Variants in LRRC27 observed in about 807,000 individuals in gnomAD.
The protein encoded by LRRC27 is leucine rich repeat containing 27, also known as leucine-rich repeat-containing protein 27.
LRRC27 carries 57 observed loss-of-function variants against 55.0 expected under a neutral mutation model. That is an observed-to-expected ratio of 1.04 (90% CI 0.84 to 1.29). The LOEUF (loss-of-function observed/expected upper bound fraction) is 1.29, where lower values mean the gene tolerates loss of function less well. Ranked by LOEUF, LRRC27 falls within the 50% of genes most tolerant of loss-of-function variation. The pLI is 0.00. For missense variants in LRRC27, 721 were observed against 651.5 expected (o/e 1.11, Z -1.16); for synonymous variants, 278 against 251.9 (o/e 1.10, Z -0.98).
Position 132,351,680 on chromosome 10 carries a change from A to C in LRRC27, c.1000A>C (p.Arg334=). 1 of 1,614,034 alleles carries C rather than the reference A, an allele frequency of 6.2e-7. No homozygotes were observed. Among genetic ancestry groups the C allele is most frequent in the Non-Finnish European group, 8.5e-7 (1 of 1,180,010 alleles). ...SPYQMAIRAK[R]LEESRAAALR... is the part of the protein sequence containing the mutation. ...GTACCAAATGGCGATCCGAGCAAAA[A>C]GACTGGAAGAGAGCCGAGCGGCGGC... The change falls in exon 7 of 11, where the codon AGA becomes CGA. Residue 334 remains arginine, a synonymous_variant. Transcript: ENST00000368614.
rs760181124 is a variant in LRRC27, at chr10:132,375,080, G to A, written c.1431G>A (p.Gln477=). The A allele has an allele frequency of 3.1e-6, 5 of 1,613,166 alleles. No homozygotes were observed. The Admixed American group carries it at 8.3e-5, about 27-fold the overall frequency. Residue 477 remains glutamine, a synonymous_variant, in exon 11 of 11, where the codon CAG becomes CAA. Coordinates refer to ENST00000368614, the MANE Select transcript of LRRC27 (RefSeq NM_030626.3). The part of the protein sequence containing the change: ...AEDLEIATEL[Q]DEVLKLKLGL... ...TCTCCCATAAGGCCACAGAGCTACAGGATGAAGTATTGAAGCTAAAATTGG... is the reference window on the plus strand; with the variant it reads ...TCTCCCATAAGGCCACAGAGCTACAAGATGAAGTATTGAAGCTAAAATTGG...
chr10:132,356,914 C>A (rs565083429), intron 8 of LRRC27, among the ~76,000 whole-genome samples: 47 of 152,376 alleles, frequency 3.1e-4, no homozygotes, highest in Admixed American at 2.9e-3. Context: ...CTGTGTGTTA[C>A]TTTGAAAGGC....
At chr10:132,343,711 C>T (rs908879742) in intron 4 of LRRC27, among the ~76,000 whole-genome samples, 1 of 152,230 alleles carries the variant, frequency 6.6e-6, no homozygotes, top group African/African-American at 2.4e-5. Context: ...ATGTGAAAAG[C>T]GAGCGCGGCT....
In LRRC27 at chr10:132,375,228, C is replaced by T. The variant is rs200285895; in HGVS notation, c.1579C>T (p.Arg527Cys). The T allele has an allele frequency of 7.6e-5, 123 of 1,612,686 alleles. No homozygotes were observed. Among genetic ancestry groups the T allele is most frequent in the Non-Finnish European group, 8.9e-5 (105 of 1,179,232 alleles). ...NTKYGESGNV[R>C]RYQ ...AAAATATGGAGAATCAGGAAATGTT[C>T]GCAGATACCAGTGACACCAGGTGGC... Residue 527 changes from arginine (R) to cysteine (C), a missense_variant, in exon 11 of 11, where the codon CGC (arginine) becomes TGC (cysteine). By Grantham distance (180) the Arg-to-Cys change is radical. Coordinates refer to ENST00000368614, the MANE Select transcript of LRRC27 (RefSeq NM_030626.3).
Position 132,337,796 on chromosome 10 carries a change from C to T in LRRC27, c.341+101C>T, listed in dbSNP as rs140281005. 15 of 1,368,604 alleles carry T rather than the reference C, an allele frequency of 1.1e-5. 1 individual carries two copies. The African/African-American group carries it at 1.3e-4, about 12-fold the overall frequency. The allele number at this position is 1,368,604 out of a possible 1,614,324, so 84.8% of individuals were successfully genotyped here. ...TTTACTCTTGATTAAATTTTTACCT[C>T]GGAATAGAAACATTTAATAGTATTT... On this transcript the variant is annotated intron_variant, in intron 3 of 10. Coordinates refer to ENST00000368614, the MANE Select transcript of LRRC27 (RefSeq NM_030626.3).
At position 132,377,465 on chromosome 10, in the gene LRRC27, C is replaced by G. The variant is rs1361471308; in HGVS notation, c.*2223C>G. 2.6e-5 allele frequency: 4 copies of G among 152,090 alleles called. No homozygotes were observed. Among genetic ancestry groups the G allele is most frequent in the Non-Finnish European group, 4.4e-5 (3 of 68,052 alleles). 9.4% of individuals were successfully genotyped at this position (152,090 alleles called of 1,614,324 possible). On this transcript the variant is annotated 3_prime_UTR_variant, in exon 11 of 11. Coordinates refer to ENST00000368614, the MANE Select transcript of LRRC27 (RefSeq NM_030626.3). ...AGCATTTCCTGAATGAGCCAATGAC[C>G]CTGAGAAGGTCCCTCCCATCTGCCA...
chr10:132,368,171 C>T (rs752096566), intron 10 of LRRC27, among the ~76,000 whole-genome samples: 26 of 152,064 alleles, frequency 1.7e-4, no homozygotes, highest in African/African-American at 4.6e-4. Context: ...ATGAGGAAAA[C>T]GACAAAACTT....
At chr10:132,331,945 C>A, upstream of LRRC27, 1 of 571,478 alleles carries the variant, frequency 1.7e-6, no homozygotes, top group Non-Finnish European at 2.9e-6. Context: ...AACCCCCCGC[C>A]CCAGCGCAGG....
At chr10:132,338,958 CCT>C (rs1248520636) in intron 3 of LRRC27, among the ~76,000 whole-genome samples, 2 of 152,188 alleles carry the variant, frequency 1.3e-5, no homozygotes, top group Non-Finnish European at 2.9e-5. Flanking sequence ...GATCTGCCTG[CCT>C]TGGCCTCCCA....
At position 132,349,472 on chromosome 10, in the gene LRRC27, C is replaced by T. The variant is rs187383899; in HGVS notation, c.926+1116C>T. ...ACACACAGCAGGTTCCCAGCTACAG[C>T]GAGGCCTCGGACGCTCCAGCACGCT... On this transcript the variant is annotated intron_variant, in intron 6 of 10. Coordinates refer to ENST00000368614, the MANE Select transcript of LRRC27 (RefSeq NM_030626.3). Among the ~76,000 whole-genome samples the T allele has an allele frequency of 4.6e-5, 7 of 152,302 alleles. No homozygotes were observed. The East Asian group carries it at 5.8e-4, about 13-fold the overall frequency.
intron 7 of LRRC27, among the ~76,000 whole-genome samples, chr10:132,355,396 A>T (rs2068258909): frequency 6.6e-6 from 1 of 152,162 alleles, no homozygotes; most frequent in African/African-American, 2.4e-5. Context: ...AGGCATTCAG[A>T]TCTTCCATAG....
At position 132,365,512 on chromosome 10, in the gene LRRC27, C is replaced by G. The variant is rs372434440; in HGVS notation, c.1378C>G (p.Leu460Val). 4 of 1,613,552 alleles carry G rather than the reference C, an allele frequency of 2.5e-6. No homozygotes were observed. The African/African-American group carries it at 4.0e-5, about 16-fold the overall frequency. The part of the protein sequence containing the change: ...EQRRFHGQAP[L>V]EEMRKAAEDL... ...AAGAAGATTCCATGGCCAGGCCCCACTGGAGGAGATGAGGAAGGCTGCCGA... is the reference window on the plus strand; with the variant it reads ...AAGAAGATTCCATGGCCAGGCCCCAGTGGAGGAGATGAGGAAGGCTGCCGA... The change falls in exon 10 of 11, where the codon CTG (leucine) becomes GTG (valine). Residue 460 changes from leucine (L) to valine (V), a missense_variant. Transcript: ENST00000368614.
At chr10:132,330,642 GA>G (rs1167512700), upstream of LRRC27, among the ~76,000 whole-genome samples, 2 of 149,718 alleles carry the variant, frequency 1.3e-5, no homozygotes, top group African/African-American at 4.9e-5. Flanking sequence ...CACACAGCTG[GA>G]ACTACAGGTG....
rs1287022883 is a variant in LRRC27 at position 132,348,400 on chromosome 10, T to G, written c.926+44T>G. The G allele has an allele frequency of 1.3e-6, 2 of 1,575,586 alleles. No individual in the cohort carries two copies. The highest frequency in any genetic ancestry group is 1.7e-6 in the Non-Finnish European group (2 of 1,162,990). The stretch of plus-strand genomic sequence containing the variant: ...GGGGGATTTTCTTGATCTTTGCGAA[T>G]TTATACAGTTATTTTAAATTATCTT... On this transcript the variant is annotated intron_variant, in intron 6 of 10. Coordinates refer to ENST00000368614, the MANE Select transcript of LRRC27 (RefSeq NM_030626.3). This position sits in a 1 kb window ranked among gnomAD's most constrained non-coding sequence, Gnocchi z 4.2.
intron 10 of LRRC27, among the ~76,000 whole-genome samples, chr10:132,373,573 C>T (rs1223125427): frequency 2.0e-5 from 3 of 152,182 alleles, no homozygotes; most frequent in African/African-American, 7.2e-5. Flanking sequence ...GGTCAGGGGT[C>T]AGCACACAAT....
rs529708310 is a variant in LRRC27 at position 132,354,439 on chromosome 10, C to T, written c.1074-1351C>T. Among the ~76,000 whole-genome samples, 249 of 152,118 alleles carry T rather than the reference C, an allele frequency of 1.6e-3. 1 individual carries two copies. The highest frequency in any genetic ancestry group is 2.7e-3 in the Non-Finnish European group (185 of 68,004). On this transcript the variant is annotated intron_variant, in intron 7 of 10. Transcript: ENST00000368614. ...TGGAGGCCCTCGTCCAGGAGCGCAG[C>T]GGGGCCAGCACCACACATGGTGCTA...
Position 132,372,175 on chromosome 10 carries a change from C to T in LRRC27, c.1417-2891C>T, listed in dbSNP as rs1013309534. Among the ~76,000 whole-genome samples, 4 of 149,886 alleles carry T rather than the reference C, an allele frequency of 2.7e-5. No individual in the cohort carries two copies. Among genetic ancestry groups the T allele is most frequent in the African/African-American group, 1.0e-4 (4 of 40,148 alleles). ...GTTGAAAAGCACAGGAAGACAAAAC[C>T]AACCACAGAAGGATGGGAAGTGGGG... On this transcript the variant is annotated intron_variant, in intron 10 of 10. Transcript: ENST00000368614. This position sits in a 1 kb window ranked among gnomAD's most constrained non-coding sequence, Gnocchi z 4.0.
rs1267199623 is a variant in LRRC27, at chr10:132,361,582, A to G, written c.1289+7A>G. On this transcript the variant is annotated splice_region_variant and intron_variant, in intron 9 of 10. Transcript: ENST00000368614. ...AAGCAAGTAAAGAAATGAGGTTGGT[A>G]ACTGCAACTGGCACTCAGTCCTTCC... 1.1e-5 allele frequency: 18 copies of G among 1,595,252 alleles called. No individual in the cohort carries two copies. The highest frequency in any genetic ancestry group is 1.4e-5 in the Non-Finnish European group (16 of 1,163,462).
chr10:132,344,317 G>A lies in LRRC27; in HGVS notation c.401-181G>A, dbSNP rs141234218. On this transcript the variant is annotated intron_variant, in intron 4 of 10. Transcript: ENST00000368614. ...GGAAACCATCCTGGTCTTAATTTGCGGAATCCGTCTCCTGCAGAGTTACCT... is the reference window on the plus strand; with the variant it reads ...GGAAACCATCCTGGTCTTAATTTGCAGAATCCGTCTCCTGCAGAGTTACCT... Among the ~76,000 whole-genome samples, 469 of 152,214 alleles carry A rather than the reference G, an allele frequency of 3.1e-3. 2 individuals carry two copies. The highest frequency in any genetic ancestry group is 6.0e-3 in the South Asian group (29 of 4,822).
Sources: gnomAD v4.1 joint callset for allele counts (sites outside exome capture counted in the v4.1 genomes callset) on GRCh38, gnomAD v4.1.1 for gene constraint, Gnocchi (gnomAD v3.1) non-coding constraint, MANE v1.5 for transcripts, NCBI Gene and HGNC (gene_info 2026-07-23, HGNC 2026-07-21) for gene names.